LINGO2: variants seen among roughly 807,000 people sequenced by gnomAD.
The protein encoded by LINGO2 is leucine rich repeat and Ig domain containing 2.
LINGO2 carries 14 observed loss-of-function variants against 30.6 expected under a neutral mutation model. The observed-to-expected ratio is 0.46, with a 90% CI of 0.30 to 0.72. LINGO2 has a LOEUF of 0.72. LINGO2 is among the 30% of genes least tolerant of loss of function. The probability of loss-of-function intolerance (pLI) is 0.07; values close to 1 mark genes in which losing one functional copy is unlikely to be tolerated. For synonymous variants in LINGO2, 317 were observed against 288.5 expected (o/e 1.10, Z -1.00); for missense variants, 729 against 751.7 (o/e 0.97, Z 0.35).
At chr9:27,978,339 C>T (rs563268767) in intron 5 of LINGO2, among the ~76,000 whole-genome samples, 11 of 152,138 alleles carry the variant, frequency 7.2e-5, no homozygotes, top group Non-Finnish European at 1.5e-4. Context: ...TAAATGGGGT[C>T]TTGCTATAGA....
chr9:28,997,391 G>C, the LINGO2 span, among the ~76,000 whole-genome samples: 1 of 152,224 alleles, frequency 6.6e-6, no homozygotes, highest in Non-Finnish European at 1.5e-5. Context: ...TAAATACTAG[G>C]ATAAGATTAT....
the LINGO2 span, among the ~76,000 whole-genome samples, chr9:28,906,165 G>A: frequency 6.6e-6 from 1 of 151,940 alleles, no homozygotes; most frequent in African/African-American, 2.4e-5. Context: ...GCAGGCTGGG[G>A]AGATGTGGGT....
chr9:28,658,947 T>A lies in LINGO2; in HGVS notation c.-365+11253A>T, dbSNP rs543544244. On this transcript the variant is annotated intron_variant, in intron 1 of 5. Transcript: ENST00000379992. ...ATGCCTCAAATTTTCCCTAAATGTTTCATAAAGACAGCAAGATGACAATGC... is the reference window on the plus strand; with the variant it reads ...ATGCCTCAAATTTTCCCTAAATGTTACATAAAGACAGCAAGATGACAATGC... 9.2e-5 allele frequency among the ~76,000 whole-genome samples: 14 copies of A among 152,232 alleles called. No individual in the cohort carries two copies. In the South Asian group the frequency reaches 2.9e-3, roughly 32 times the overall value.
chr9:28,830,319 G>C, the LINGO2 span, among the ~76,000 whole-genome samples: 785 of 152,222 alleles, frequency 5.2e-3, 9 homozygotes, highest in African/African-American at 0.018. Flanking sequence ...TGGATGAGTG[G>C]GGTGGGGGCC....
chr9:28,230,227 A>G (rs932091959), intron 4 of LINGO2, among the ~76,000 whole-genome samples: 1 of 151,864 alleles, frequency 6.6e-6, no homozygotes, highest in African/African-American at 2.4e-5. Flanking sequence ...GTATGCAGTT[A>G]ATTAAAATGT....
At chr9:29,112,410 A>G in the LINGO2 span, among the ~76,000 whole-genome samples, 2 of 152,120 alleles carry the variant, frequency 1.3e-5, no homozygotes, top group Non-Finnish European at 2.9e-5. Context: ...TCCAATGCAT[A>G]GAGTCTGAGA....
At chr9:28,264,578 A>G (rs1260277129) in intron 4 of LINGO2, among the ~76,000 whole-genome samples, 1 of 151,914 alleles carries the variant, frequency 6.6e-6, no homozygotes, top group Admixed American at 6.6e-5. Context: ...GAAACTCACC[A>G]CTTCCCGAAT....
chr9:27,960,065 TG>T (rs1444117550), intron 5 of LINGO2, among the ~76,000 whole-genome samples: 1 of 152,086 alleles, frequency 6.6e-6, no homozygotes, highest in Non-Finnish European at 1.5e-5. Context: ...GGTAATATAT[TG>T]GGGGTTATTT....
chr9:28,769,026 G>C, the LINGO2 span, among the ~76,000 whole-genome samples: 1 of 151,906 alleles, frequency 6.6e-6, no homozygotes. Flanking sequence ...TATACAAACA[G>C]TAGTAAAAGT....
chr9:28,476,674 G>T (rs1454367905), intron 1 of LINGO2, among the ~76,000 whole-genome samples: 1 of 151,926 alleles, frequency 6.6e-6, no homozygotes, highest in Non-Finnish European at 1.5e-5. Flanking sequence ...AAGGCAAAAT[G>T]GTATTTTGTT....
chr9:28,616,884 C>T (rs1451212899), intron 1 of LINGO2, among the ~76,000 whole-genome samples: 1 of 152,192 alleles, frequency 6.6e-6, no homozygotes, highest in Non-Finnish European at 1.5e-5. Flanking sequence ...TTCAAAAGCA[C>T]ATCCAAAAGA....
At chr9:29,103,721 C>A in the LINGO2 span, among the ~76,000 whole-genome samples, 2 of 152,104 alleles carry the variant, frequency 1.3e-5, no homozygotes, top group Non-Finnish European at 2.9e-5. Flanking sequence ...CATTCCTAGT[C>A]AATACCAATA....
chr9:28,542,862 T>C (rs779498002), intron 1 of LINGO2, among the ~76,000 whole-genome samples: 1 of 151,980 alleles, frequency 6.6e-6, no homozygotes, highest in Non-Finnish European at 1.5e-5. Flanking sequence ...ACAACATGCC[T>C]AAAGCTTCAG....
At chr9:28,495,638 A>C (rs938987623) in intron 1 of LINGO2, among the ~76,000 whole-genome samples, 9 of 152,022 alleles carry the variant, frequency 5.9e-5, no homozygotes, top group African/African-American at 2.2e-4. Context: ...TATAGTTTGA[A>C]GTCAGGTGTC....
At chr9:28,892,212 A>T in the LINGO2 span, among the ~76,000 whole-genome samples, 1 of 152,000 alleles carries the variant, frequency 6.6e-6, no homozygotes, top group Non-Finnish European at 1.5e-5. Context: ...TATGAAAAAC[A>T]AGCAGTCATA....
At chr9:28,771,998 T>C in the LINGO2 span, among the ~76,000 whole-genome samples, 2 of 152,198 alleles carry the variant, frequency 1.3e-5, no homozygotes, top group Non-Finnish European at 2.9e-5. Flanking sequence ...TCTACCCTGT[T>C]CACTACTTCA....
At chr9:28,833,939 C>A in the LINGO2 span, among the ~76,000 whole-genome samples, 2,885 of 152,122 alleles carry the variant, frequency 0.019, 86 homozygotes, top group African/African-American at 0.065. Context: ...TCATAGATTG[C>A]ATGTCATAAT....
At chr9:28,817,698 G>A in the LINGO2 span, among the ~76,000 whole-genome samples, 2 of 152,192 alleles carry the variant, frequency 1.3e-5, no homozygotes, top group Non-Finnish European at 2.9e-5. Context: ...TTGGCCCTAT[G>A]ACTGATTGCC....
At chr9:28,392,321 AAAAAGTAT>A (rs1237854506) in intron 2 of LINGO2, among the ~76,000 whole-genome samples, 2 of 152,316 alleles carry the variant, frequency 1.3e-5, no homozygotes, top group Non-Finnish European at 2.9e-5. Context: ...GCTACTTGAG[AAAAAGTAT>A]AAAAGCAACA....
Sources: allele counts gnomAD v4.1 joint callset (sites outside exome capture counted in the v4.1 genomes callset), GRCh38; gene constraint gnomAD v4.1.1; transcripts MANE v1.5; gene names NCBI Gene and HGNC (gene_info 2026-07-23, HGNC 2026-07-21).